The following HMG20A variants were observed in gnomAD, a reference collection of about 807,000 sequenced individuals.
The protein encoded by HMG20A is high mobility group protein 20A.
HMG20A carries 17 observed loss-of-function variants against 43.9 expected under a neutral mutation model. The observed-to-expected ratio is 0.39, with a 90% CI of 0.27 to 0.58. The LOEUF (loss-of-function observed/expected upper bound fraction) is 0.58. Ranked by LOEUF, HMG20A falls within the 20% of genes least tolerant of loss-of-function variation. HMG20A has a pLI of 0.59. For missense variants in HMG20A, 341 were observed against 438.2 expected (o/e 0.78, Z 1.98); for synonymous variants, 132 against 147.5 (o/e 0.89, Z 0.76).
the HMG20A span, among the ~76,000 whole-genome samples, chr15:77,514,127 T>C: frequency 6.6e-6 from 1 of 152,254 alleles, no homozygotes; most frequent in Non-Finnish European, 1.5e-5. Flanking sequence ...CCATAAAATC[T>C]GTGGACACAA....
At chr15:77,451,587 C>T (rs2072602775) in intron 1 of HMG20A, among the ~76,000 whole-genome samples, 1 of 152,130 alleles carries the variant, frequency 6.6e-6, no homozygotes, top group South Asian at 2.1e-4. Context: ...AGACACAGAA[C>T]CTATGGATAC....
At chr15:77,447,472 A>AG (rs1011901902) in intron 1 of HMG20A, among the ~76,000 whole-genome samples, 3 of 152,134 alleles carry the variant, frequency 2.0e-5, no homozygotes, top group Non-Finnish European at 4.4e-5. Flanking sequence ...GGTTCCATTG[A>AG]GGGGGCAAAA....
chr15:77,478,718 T>G (rs2072880001), intron 8 of HMG20A, among the ~76,000 whole-genome samples: 1 of 152,232 alleles, frequency 6.6e-6, no homozygotes, highest in African/African-American at 2.4e-5. Flanking sequence ...TCATTCAAAT[T>G]TTTGTCCATT....
chr15:77,472,553 C>T (rs964483522), intron 6 of HMG20A, among the ~76,000 whole-genome samples: 4 of 152,240 alleles, frequency 2.6e-5, no homozygotes, highest in Non-Finnish European at 5.9e-5. Context: ...GGATTACAGG[C>T]GTGAGCCACC....
downstream of HMG20A, among the ~76,000 whole-genome samples, chr15:77,487,425 T>C (rs537379664): frequency 6.6e-6 from 1 of 152,212 alleles, no homozygotes; most frequent in Admixed American, 6.5e-5. Flanking sequence ...CTTTGTCTCT[T>C]GGCCATTTGA....
At chr15:77,425,533 T>C (rs1419910592) in intron 1 of HMG20A, among the ~76,000 whole-genome samples, 1 of 152,210 alleles carries the variant, frequency 6.6e-6, no homozygotes, top group African/African-American at 2.4e-5. Context: ...GATAAGCATA[T>C]ATTAAGCACC....
the HMG20A span, among the ~76,000 whole-genome samples, chr15:77,514,761 A>C: frequency 6.6e-6 from 1 of 152,228 alleles, no homozygotes; most frequent in Non-Finnish European, 1.5e-5. Flanking sequence ...TGCATTGTAC[A>C]AAGGCCTCTC....
At chr15:77,509,930 TTA>T in the HMG20A span, among the ~76,000 whole-genome samples, 1 of 151,176 alleles carries the variant, frequency 6.6e-6, no homozygotes, top group African/African-American at 2.4e-5. Flanking sequence ...ACTACCCAAA[TTA>T]TATATGTTTC....
At chr15:77,489,528 C>T (rs1293905157), downstream of HMG20A, among the ~76,000 whole-genome samples, 4 of 152,174 alleles carry the variant, frequency 2.6e-5, no homozygotes, top group East Asian at 1.9e-4. Flanking sequence ...ATCTTTCTTG[C>T]GTTAGAAATT....
At chr15:77,504,357 C>G in the HMG20A span, among the ~76,000 whole-genome samples, 22 of 152,334 alleles carry the variant, frequency 1.4e-4, no homozygotes, top group African/African-American at 5.1e-4. Context: ...TGTAAGGAGA[C>G]AGAGTACCAA....
chr15:77,473,388 A>G (rs2072827801), intron 6 of HMG20A, among the ~76,000 whole-genome samples: 1 of 152,172 alleles, frequency 6.6e-6, no homozygotes, highest in Admixed American at 6.5e-5. Flanking sequence ...GTGCCCAGCT[A>G]TCAATATCAT....
intron 9 of HMG20A, among the ~76,000 whole-genome samples, chr15:77,481,789 A>G (rs1057355787): frequency 1.3e-5 from 2 of 152,190 alleles, no homozygotes; most frequent in Non-Finnish European, 2.9e-5. Flanking sequence ...CCACACCCCC[A>G]AAACTGTCAA....
the HMG20A span, among the ~76,000 whole-genome samples, chr15:77,518,142 CAG>C: frequency 3.3e-5 from 5 of 152,174 alleles, no homozygotes; most frequent in Non-Finnish European, 5.9e-5. Flanking sequence ...AGCTGGCACC[CAG>C]AGTTTTCACT....
chr15:77,446,053 C>T (rs1403774596), intron 1 of HMG20A, among the ~76,000 whole-genome samples: 1 of 152,174 alleles, frequency 6.6e-6, no homozygotes, highest in Non-Finnish European at 1.5e-5. Context: ...TTAGAGCTAC[C>T]TACCTTAGTA....
the HMG20A span, among the ~76,000 whole-genome samples, chr15:77,509,371 C>T: frequency 1.3e-5 from 2 of 151,940 alleles, no homozygotes; most frequent in African/African-American, 2.4e-5. Flanking sequence ...CCTCCCATCT[C>T]GGCTTCTCAA....
At chr15:77,432,587 T>C (rs1237416517) in intron 1 of HMG20A, among the ~76,000 whole-genome samples, 1 of 151,942 alleles carries the variant, frequency 6.6e-6, no homozygotes, top group Non-Finnish European at 1.5e-5. Context: ...CTGGGCGTAG[T>C]GGCAGGTGCC....
At chr15:77,423,643 T>G (rs2142261940) in intron 1 of HMG20A, among the ~76,000 whole-genome samples, 1 of 152,312 alleles carries the variant, frequency 6.6e-6, no homozygotes, top group South Asian at 2.1e-4. Flanking sequence ...AAACCGTAGG[T>G]CACAATTCTG....
chr15:77,517,156 T>A, the HMG20A span, among the ~76,000 whole-genome samples: 2 of 152,206 alleles, frequency 1.3e-5, no homozygotes, highest in African/African-American at 4.8e-5. Context: ...TCCACGGGCA[T>A]CCCTATCACT....
At chr15:77,468,959 TA>T (rs1290413506) in intron 4 of HMG20A, among the ~76,000 whole-genome samples, 9 of 152,270 alleles carry the variant, frequency 5.9e-5, no homozygotes, top group South Asian at 2.1e-4. Context: ...ATAACATTGA[TA>T]TTTTTTTAAA....
Sources: gnomAD v4.1 joint callset for allele counts (sites outside exome capture counted in the v4.1 genomes callset) on GRCh38, gnomAD v4.1.1 for gene constraint, MANE v1.5 for transcripts, NCBI Gene and HGNC (gene_info 2026-07-23, HGNC 2026-07-21) for gene names.